Variants in DNAJC1 observed in about 807,000 individuals in gnomAD.
DNAJC1 encodes the protein dnaJ homolog subfamily C member 1.
A neutral mutation model predicts 76.6 loss-of-function variants in DNAJC1; 58 were observed. The observed-to-expected ratio is 0.76, with a 90% confidence interval of 0.61 to 0.94. The LOEUF is 0.94. Ranked by LOEUF, DNAJC1 falls within the 40% of genes least tolerant of loss-of-function variation. The pLI is 0.00. For missense variants in DNAJC1, 689 were observed against 677.3 expected, an observed-to-expected ratio of 1.02 and a Z score of -0.19; for synonymous variants, 258 against 267.9, an observed-to-expected ratio of 0.96 and a Z score of 0.36.
intron 10 of DNAJC1, among the ~76,000 whole-genome samples, chr10:21,760,733 G>C (rs560094888): frequency 2.0e-4 from 30 of 152,254 alleles, no homozygotes; most frequent in African/African-American, 7.0e-4. Context: ...TACCATATTA[G>C]ACAGCACAGG....
At chr10:21,797,114 T>C (rs986506895) in intron 9 of DNAJC1, among the ~76,000 whole-genome samples, 24 of 151,034 alleles carry the variant, frequency 1.6e-4, no homozygotes, top group Non-Finnish European at 3.0e-4. Context: ...ATTAAAAAAA[T>C]TTTTTTTTTG....
In DNAJC1 at chr10:21,807,517, G is replaced by A. The variant is rs184171820; in HGVS notation, c.979-1418C>T. On this transcript the variant is annotated intron_variant, in intron 8 of 11. Transcript: ENST00000376980. ...TCAAAGTGCATTGCCCCTGTTAAAG[G>A]GCTTTCCGAAAGGCTCTCCCATTTG... Among the ~76,000 whole-genome samples the A allele has an allele frequency of 2.2e-3, 340 of 152,248 alleles. 3 individuals carry two copies. The highest frequency in any genetic ancestry group is 7.8e-3 in the African/African-American group (324 of 41,550).
chr10:21,913,715 A>G (rs1836905375), intron 6 of DNAJC1, among the ~76,000 whole-genome samples: 1 of 152,230 alleles, frequency 6.6e-6, no homozygotes, highest in African/African-American at 2.4e-5. Context: ...GTCAGATTCC[A>G]AGAGAATGTG....
chr10:21,897,333 G>T (rs555499447), intron 7 of DNAJC1, among the ~76,000 whole-genome samples: 1 of 151,936 alleles, frequency 6.6e-6, no homozygotes, highest in African/African-American at 2.4e-5. Context: ...CACCAAAAAT[G>T]AAATATCACA....
chr10:21,980,632 A>G (rs1399425513), intron 1 of DNAJC1, among the ~76,000 whole-genome samples: 2 of 152,124 alleles, frequency 1.3e-5, no homozygotes, highest in Non-Finnish European at 2.9e-5. Context: ...AATCTGAATA[A>G]CATCTGTAGA....
At chr10:21,825,805 C>T (rs1835239327) in intron 8 of DNAJC1, among the ~76,000 whole-genome samples, 1 of 152,180 alleles carries the variant, frequency 6.6e-6, no homozygotes, top group African/African-American at 2.4e-5. Context: ...CATGTGACTA[C>T]TGAACATGAG....
chr10:21,983,867 T>A (rs1564844858), intron 1 of DNAJC1, among the ~76,000 whole-genome samples: 1 of 152,176 alleles, frequency 6.6e-6, no homozygotes, highest in Non-Finnish European at 1.5e-5. Context: ...GGTTGCACAA[T>A]GTTGTGAATG....
chr10:21,777,499 C>G (rs1469002005), intron 9 of DNAJC1, among the ~76,000 whole-genome samples: 1 of 152,176 alleles, frequency 6.6e-6, no homozygotes, highest in East Asian at 1.9e-4. Flanking sequence ...CACTTAGGAG[C>G]ATAGCCACAT....
intron 1 of DNAJC1, among the ~76,000 whole-genome samples, chr10:21,955,956 A>C (rs1837673219): frequency 6.6e-6 from 1 of 152,194 alleles, no homozygotes; most frequent in South Asian, 2.1e-4. Context: ...TTAAAGAAAA[A>C]ACTTATTTTA....
At position 21,904,589 on chromosome 10, in the gene DNAJC1, T is replaced by C; in HGVS notation, c.753A>G (p.Lys251=). Residue 251 remains lysine, a synonymous_variant, in exon 7 of 12, where the codon AAA becomes AAG. Coordinates refer to ENST00000376980, the MANE Select transcript of DNAJC1 (RefSeq NM_022365.4). ...TTTCCTTCAATCTTGTTTCTTTATA[T>C]TTAGCATAAAACTGCCCAGCATCCT... ...LIQDAGQFYA[K]YKETRLKEKE... 1 of 1,606,740 alleles carries C rather than the reference T, an allele frequency of 6.2e-7. No homozygotes were observed. The highest frequency in any genetic ancestry group is 8.5e-7 in the Non-Finnish European group (1 of 1,176,696).
At chr10:21,834,180 C>T (rs549617433) in intron 8 of DNAJC1, among the ~76,000 whole-genome samples, 13 of 152,180 alleles carry the variant, frequency 8.5e-5, no homozygotes, top group East Asian at 1.9e-4. Context: ...AGGACAATGG[C>T]GTCAACCTGG....
chr10:21,894,265 C>T (rs1377293126), intron 7 of DNAJC1, among the ~76,000 whole-genome samples: 1 of 152,156 alleles, frequency 6.6e-6, no homozygotes, highest in Non-Finnish European at 1.5e-5. Flanking sequence ...GTTAGACATT[C>T]TCTTTCAGAA....
At chr10:21,959,449 C>G (rs538403315) in intron 1 of DNAJC1, among the ~76,000 whole-genome samples, 1 of 152,000 alleles carries the variant, frequency 6.6e-6, no homozygotes, top group African/African-American at 2.4e-5. Flanking sequence ...ATTATATCCT[C>G]GAGATGTTTT....
chr10:21,818,958 A>G (rs1391830197), intron 8 of DNAJC1, among the ~76,000 whole-genome samples: 1 of 152,198 alleles, frequency 6.6e-6, no homozygotes, highest in Non-Finnish European at 1.5e-5. Flanking sequence ...CAGAAGAGTA[A>G]ATTGAAGGAA....
intron 6 of DNAJC1, among the ~76,000 whole-genome samples, chr10:21,911,167 T>A (rs1836857469): frequency 6.6e-6 from 1 of 151,812 alleles, no homozygotes. Context: ...CCTGTCCTGA[T>A]GGGAATAAGG....
At chr10:21,931,577 G>A (rs1056064889) in intron 1 of DNAJC1, among the ~76,000 whole-genome samples, 14 of 152,186 alleles carry the variant, frequency 9.2e-5, no homozygotes, top group Admixed American at 3.3e-4. Flanking sequence ...TTTGGGCTGA[G>A]TAACTTCCCA....
chr10:21,811,337 A>G (rs1834962304), intron 8 of DNAJC1, among the ~76,000 whole-genome samples: 1 of 152,160 alleles, frequency 6.6e-6, no homozygotes, highest in South Asian at 2.1e-4. Flanking sequence ...TTCTCATTAC[A>G]AATTGTATTA....
intron 10 of DNAJC1, 117 bp downstream of exon 10, chr10:21,766,143 AT>A: frequency 1.2e-6 from 1 of 806,300 alleles, no homozygotes. Context: ...ATATGACCAG[AT>A]TTAGAGTTCA....
At chr10:21,870,544 T>A (rs928085207) in intron 8 of DNAJC1, among the ~76,000 whole-genome samples, 3 of 152,044 alleles carry the variant, frequency 2.0e-5, no homozygotes, top group African/African-American at 7.3e-5. Context: ...GAGGCTGAGA[T>A]AGGAGGACTG....
Sources: allele counts gnomAD v4.1 joint callset (sites outside exome capture counted in the v4.1 genomes callset), GRCh38; gene constraint gnomAD v4.1.1; transcripts MANE v1.5; gene names NCBI Gene and HGNC (gene_info 2026-07-23, HGNC 2026-07-21).